GOLT1A: variants seen among roughly 807,000 people sequenced by gnomAD.
GOLT1A encodes the protein golgi transport 1A.
In GOLT1A, 10 loss-of-function variants were observed where a neutral mutation model predicts 16.1. The observed-to-expected ratio is 0.62, with a 90% CI of 0.38 to 1.05. The LOEUF is 1.05. Among genes scored for constraint, GOLT1A ranks in the 50% least tolerant of loss-of-function variants. The pLI is 0.01. For synonymous variants in GOLT1A, 60 were observed against 67.9 expected (o/e 0.88, Z 0.57); for missense variants, 137 against 165.7 (o/e 0.83, Z 0.95).
intron 4 of GOLT1A, among the ~76,000 whole-genome samples, 186 bp from the exon 5 acceptor site, chr1:204,198,682 G>A (rs1304641659): frequency 6.6e-6 from 1 of 152,142 alleles, no homozygotes; most frequent in Non-Finnish European, 1.5e-5. Context: ...GGGCTCCTCA[G>A]AGAGCTCACA....
At chr1:204,201,592 C>T in intron 3 of GOLT1A, 41 bp downstream of exon 3, 1 of 1,597,296 alleles carries the variant, frequency 6.3e-7, no homozygotes, top group African/African-American at 1.3e-5. Flanking sequence ...CACTCAGACA[C>T]TTTGGTGGGT....
Position 204,213,799 on chromosome 1 carries a change from C to A in GOLT1A, c.25+83G>T, listed in dbSNP as rs372003293. On this transcript the variant is annotated intron_variant, in intron 1 of 4. Coordinates refer to ENST00000308302, the MANE Select transcript of GOLT1A (RefSeq NM_198447.2). ...GCTCCAGAGGTCACGCTTGTAGTGA[C>A]AGAGAGCCCAGCTGGGAGAGAGAGC... The A allele has an allele frequency of 1.3e-5, 19 of 1,497,752 alleles. No homozygotes were observed. The African/African-American group carries it at 2.3e-4, about 19-fold the overall frequency. 92.8% of individuals were successfully genotyped at this position (1,497,752 alleles called of 1,614,324 possible).
At chr1:204,200,295 A>ATGTGTGTGTGTGTG (rs150180519) in intron 3 of GOLT1A, among the ~76,000 whole-genome samples, 4 of 97,424 alleles carry the variant, frequency 4.1e-5, no homozygotes, top group African/African-American at 1.6e-4. Context: ...AATGACATAT[A>ATGTGTGTGTGTGTG]TGTGTATATA....
chr1:204,209,982 C>T (rs915018103), intron 1 of GOLT1A, among the ~76,000 whole-genome samples: 8 of 152,138 alleles, frequency 5.3e-5, no homozygotes, highest in African/African-American at 1.7e-4. Context: ...CGCTTGAACC[C>T]GGGAGGCAGA....
intron 1 of GOLT1A, among the ~76,000 whole-genome samples, chr1:204,207,470 G>A (rs1338177419): frequency 1.3e-5 from 2 of 152,288 alleles, no homozygotes; most frequent in South Asian, 2.1e-4. Context: ...TGCAACTCCC[G>A]AGTTGCTGCC....
chr1:204,202,307 C>T (rs754892491), intron 2 of GOLT1A, among the ~76,000 whole-genome samples: 68 of 151,486 alleles, frequency 4.5e-4, no homozygotes, highest in Non-Finnish European at 9.0e-4. Flanking sequence ...TAAGAGTGCC[C>T]AGGCTCTCAT....
intron 3 of GOLT1A, among the ~76,000 whole-genome samples, chr1:204,199,951 TC>T (rs1658925717): frequency 2.0e-5 from 3 of 152,272 alleles, no homozygotes; most frequent in South Asian, 4.2e-4. Flanking sequence ...CTGAGCCACT[TC>T]CTTACCGTGG....
intron 3 of GOLT1A, among the ~76,000 whole-genome samples, chr1:204,200,774 G>C (rs1167072206): frequency 6.6e-6 from 1 of 152,164 alleles, no homozygotes; most frequent in Admixed American, 6.5e-5. Flanking sequence ...GGGGGCTCCT[G>C]TGAGAACCTG....
chr1:204,203,430 C>G (rs928280378), intron 1 of GOLT1A, among the ~76,000 whole-genome samples: 2 of 152,180 alleles, frequency 1.3e-5, no homozygotes, highest in Admixed American at 6.5e-5. Context: ...AACTCAGGAC[C>G]ACCAGCTCCA....
intron 1 of GOLT1A, among the ~76,000 whole-genome samples, chr1:204,208,458 ACTTGTGTGTGTGTG>A (rs1557987248): frequency 6.4e-4 from 38 of 58,916 alleles, no homozygotes; most frequent in Admixed American, 1.4e-3. Context: ...ATATATGTAT[ACTTGTGTGTGTGTG>A]TGTGTATATA....
intron 1 of GOLT1A, among the ~76,000 whole-genome samples, chr1:204,212,823 C>T (rs1659160963): frequency 1.3e-5 from 2 of 152,054 alleles, no homozygotes; most frequent in South Asian, 4.1e-4. Flanking sequence ...TCAGTGACAT[C>T]CCTGACCTAA....
chr1:204,200,299 G>GTGTGTATATATATATATATATATATATA lies in GOLT1A; in HGVS notation c.297-1042_297-1041insTATATATATATATATATATATATACACA. ...GACTGTTTGAAAATGACATATATGT[G>GTGTGTATATATATATATATATATATATA]TATATATATATATATATATATGTTT... On this transcript the variant is annotated intron_variant, in intron 3 of 4. Coordinates refer to ENST00000308302, the MANE Select transcript of GOLT1A (RefSeq NM_198447.2). 1.8e-3 allele frequency among the ~76,000 whole-genome samples: 147 copies of GTGTGTATATATATATATATATATATATA among 82,548 alleles called. 2 individuals are homozygous for GTGTGTATATATATATATATATATATATA. The highest frequency in any genetic ancestry group is 4.0e-3 in the East Asian group (10 of 2,488). 54.2% of individuals were successfully genotyped at this position (82,548 alleles called of 152,430 possible). A position where few individuals can be genotyped will look rare whatever the true frequency, so the allele number is the denominator to read the frequency against.
At position 204,198,289 on chromosome 1, in the gene GOLT1A, G is replaced by A. The variant is rs568466101; in HGVS notation, c.*169C>T. On this transcript the variant is annotated 3_prime_UTR_variant, in exon 5 of 5. Coordinates refer to ENST00000308302, the MANE Select transcript of GOLT1A (RefSeq NM_198447.2). ...CTGCTTCCTGGCAGCCTCTTGAGTCGACTTGGGGATTTGACGTCAGTTGCT... is the reference window on the plus strand; with the variant it reads ...CTGCTTCCTGGCAGCCTCTTGAGTCAACTTGGGGATTTGACGTCAGTTGCT... 2.7e-5 allele frequency: 17 copies of A among 623,440 alleles called. No homozygotes were observed. Among genetic ancestry groups the A allele is most frequent in the African/African-American group, 1.3e-4 (7 of 53,728 alleles). 38.6% of individuals were successfully genotyped at this position (623,440 alleles called of 1,614,324 possible).
intron 1 of GOLT1A, among the ~76,000 whole-genome samples, chr1:204,210,730 C>T (rs145132894): frequency 6.8e-4 from 104 of 152,316 alleles, no homozygotes; most frequent in Middle Eastern, 3.4e-3. Flanking sequence ...CCCAGCCTCT[C>T]ACGTCTTCAA....
At position 204,213,962 on chromosome 1, in the gene GOLT1A, C is replaced by T. The variant is rs1269689259; in HGVS notation, c.-56G>A. On this transcript the variant is annotated 5_prime_UTR_variant, in exon 1 of 5. Transcript: ENST00000308302. The stretch of plus-strand genomic sequence containing the variant: ...GGAAGCGGGCAAGTGGAGCGTGGCC[C>T]AGAGGACGCAGCTGGTACATGGTCA... 6.9e-6 allele frequency: 11 copies of T among 1,591,716 alleles called. No homozygotes were observed. Among genetic ancestry groups the T allele is most frequent in the South Asian group, 1.1e-5 (1 of 88,482 alleles).
intron 1 of GOLT1A, among the ~76,000 whole-genome samples, chr1:204,210,317 C>G (rs1335781056): frequency 6.6e-6 from 1 of 152,210 alleles, no homozygotes; most frequent in African/African-American, 2.4e-5. Context: ...TCTGCCAGCT[C>G]CTACTTCTCT....
intron 1 of GOLT1A, among the ~76,000 whole-genome samples, chr1:204,208,517 ACTC>A (rs1188566216): frequency 3.9e-5 from 4 of 102,394 alleles, no homozygotes; most frequent in Non-Finnish European, 8.2e-5. Context: ...ATGAACTACT[ACTC>A]AGTCACAAAA....
At chr1:204,200,309 A>G (rs868685421) in intron 3 of GOLT1A, among the ~76,000 whole-genome samples, 15,276 of 116,550 alleles carry the variant, frequency 0.13, 1,978 homozygotes, top group African/African-American at 0.22. Flanking sequence ...GTATATATAT[A>G]TATATATATA....
chr1:204,213,643 G>C (rs991408275), intron 1 of GOLT1A, among the ~76,000 whole-genome samples: 1 of 152,186 alleles, frequency 6.6e-6, no homozygotes, highest in Non-Finnish European at 1.5e-5. Flanking sequence ...TGGGGAACCT[G>C]CCAGGCCCCC....
Sources: gnomAD v4.1 joint callset for allele counts (sites outside exome capture counted in the v4.1 genomes callset) on GRCh38, gnomAD v4.1.1 for gene constraint, MANE v1.5 for transcripts, NCBI Gene and HGNC (gene_info 2026-07-23, HGNC 2026-07-21) for gene names.